FER1L6: variants seen among roughly 807,000 people sequenced by gnomAD.
FER1L6 encodes fer-1 like family member 6, also known as fer-1-like protein 6.
In FER1L6, 177 loss-of-function variants were observed where a neutral mutation model predicts 219.2. That is an observed-to-expected ratio of 0.81 (90% confidence interval 0.71 to 0.91). FER1L6 has a LOEUF of 0.91. FER1L6 is among the 40% of genes least tolerant of loss of function. FER1L6 has a pLI of 0.00. For missense variants in FER1L6, 2,153 were observed against 2,259.9 expected (o/e 0.95, Z 0.96); for synonymous variants, 768 against 824.3 (o/e 0.93, Z 1.17).
At chr8:123,963,888 A>C (rs1470719659) in intron 3 of FER1L6, among the ~76,000 whole-genome samples, 2 of 152,248 alleles carry the variant, frequency 1.3e-5, no homozygotes, top group Non-Finnish European at 2.9e-5. Context: ...ATAAGCATTT[A>C]TTATTGCTAA....
intron 12 of FER1L6, among the ~76,000 whole-genome samples, chr8:123,991,084 C>A (rs556976829): frequency 2.0e-5 from 3 of 152,156 alleles, no homozygotes; most frequent in Non-Finnish European, 2.9e-5. Flanking sequence ...TGCTTTTATA[C>A]CAATACCATG....
intron 24 of FER1L6, among the ~76,000 whole-genome samples, chr8:124,061,035 A>T (rs551939369): frequency 9.2e-5 from 14 of 152,292 alleles, no homozygotes; most frequent in African/African-American, 2.6e-4. Flanking sequence ...TGAGTTAGAA[A>T]CTATTGCAGG....
chr8:124,091,441 G>A lies in FER1L6; in HGVS notation c.4410G>A (p.Trp1470Ter). ...SQYEIEGYNA[W>*]RDTSKPTEIL... ...TTTTCAGAGAAGGATACAATGCCTG[G>A]AGAGACACGTCCAAACCCACCGAAA... Residue 1470 changes from tryptophan (W) to a stop codon, truncating the protein, a stop_gained, in exon 34 of 41, where the codon TGG becomes TGA. Coordinates refer to ENST00000522917, the MANE Select transcript of FER1L6 (RefSeq NM_001039112.2). LOFTEE classifies it high-confidence loss of function. 1.2e-6 allele frequency: 2 copies of A among 1,613,196 alleles called. No individual in the cohort carries two copies. Among genetic ancestry groups the A allele is most frequent in the Admixed American group, 1.7e-5 (1 of 59,978 alleles).
chr8:123,856,316 G>GTGTATATATATATA lies in FER1L6; in HGVS notation c.-8+4132_-8+4133insGTATATATATATAT, dbSNP rs71576706. On this transcript the variant is annotated intron_variant, in intron 1 of 40. Transcript: ENST00000522917. Reference sequence around the variant, plus strand: ...TGTATATATATATATATATGTATGTGTATATATATATATATATATATATAT... The same window carrying GTGTATATATATATA: ...TGTATATATATATATATATGTATGTGTGTATATATATATATATATATATATATATATATATATAT... Among the ~76,000 whole-genome samples the GTGTATATATATATA allele has an allele frequency of 2.6e-3, 115 of 45,084 alleles. 10 individuals are homozygous for GTGTATATATATATA. Among genetic ancestry groups the GTGTATATATATATA allele is most frequent in the African/African-American group, 9.6e-3 (111 of 11,506 alleles). The allele number at this position is 45,084 out of a possible 152,430, so 29.6% of individuals were successfully genotyped here. A position where few individuals can be genotyped will look rare whatever the true frequency, so the allele number is the denominator to read the frequency against.
At chr8:123,954,806 G>T (rs1335294010) in intron 1 of FER1L6, among the ~76,000 whole-genome samples, 2 of 152,192 alleles carry the variant, frequency 1.3e-5, no homozygotes, top group Admixed American at 1.3e-4. Flanking sequence ...GACTGTGATT[G>T]TTCCGCTGCT....
rs571274554 is a variant in FER1L6, at chr8:124,037,763, G to A, written c.2465-2119G>A. Among the ~76,000 whole-genome samples, 9 of 152,222 alleles carry A rather than the reference G, an allele frequency of 5.9e-5. 1 individual carries two copies. In the South Asian group the frequency reaches 1.9e-3, roughly 32 times the overall value. ...TGTGAGCCTCAAGACAATCAAGTAA[G>A]GAGTTGTCTTTGGCACCCCCTGCCT... On this transcript the variant is annotated intron_variant, in intron 19 of 40. Coordinates refer to ENST00000522917, the MANE Select transcript of FER1L6 (RefSeq NM_001039112.2).
At chr8:123,982,638 T>C (rs1410582250) in intron 11 of FER1L6, among the ~76,000 whole-genome samples, 1 of 152,192 alleles carries the variant, frequency 6.6e-6, no homozygotes, top group Non-Finnish European at 1.5e-5. Context: ...ACAACAAACA[T>C]TTATTTTCTC....
chr8:123,918,937 AG>A (rs1813274597), intron 1 of FER1L6, among the ~76,000 whole-genome samples: 1 of 152,130 alleles, frequency 6.6e-6, no homozygotes, highest in Non-Finnish European at 1.5e-5. Context: ...CTGGCATCCA[AG>A]GGCTCTCAGT....
intron 10 of FER1L6, among the ~76,000 whole-genome samples, chr8:123,978,442 A>G (rs988280438): frequency 2.6e-5 from 4 of 152,138 alleles, no homozygotes; most frequent in Non-Finnish European, 4.4e-5. Flanking sequence ...AGCCAGGTGG[A>G]GGTCAGGTAA....
At chr8:123,899,076 T>TC (rs1345328333) in intron 1 of FER1L6, among the ~76,000 whole-genome samples, 1 of 152,100 alleles carries the variant, frequency 6.6e-6, no homozygotes, top group Non-Finnish European at 1.5e-5. Context: ...TTAAGAAATC[T>TC]CCACACTGTT....
chr8:123,991,635 A>T (rs1172277794), intron 12 of FER1L6, among the ~76,000 whole-genome samples: 1 of 152,158 alleles, frequency 6.6e-6, no homozygotes, highest in African/African-American at 2.4e-5. Context: ...TATCATTAGC[A>T]AACTGCAATA....
At chr8:123,980,248 T>C (rs1816263361) in intron 10 of FER1L6, among the ~76,000 whole-genome samples, 1 of 152,186 alleles carries the variant, frequency 6.6e-6, no homozygotes, top group African/African-American at 2.4e-5. Flanking sequence ...CAGATTGGCA[T>C]TTATGGTATT....
At chr8:124,044,515 T>A (rs1819638581) in intron 20 of FER1L6, among the ~76,000 whole-genome samples, 1 of 152,194 alleles carries the variant, frequency 6.6e-6, no homozygotes, top group South Asian at 2.1e-4. Context: ...AACGCTGAGA[T>A]GACAGTTGAT....
At chr8:124,076,106 G>A in intron 31 of FER1L6, 92 bp from the exon 32 acceptor site, 1 of 1,502,358 alleles carries the variant, frequency 6.7e-7, no homozygotes, top group South Asian at 1.2e-5. Context: ...CAGAAGTCAG[G>A]CATTAGCATT....
intron 1 of FER1L6, chr8:123,939,243 C>T (rs1368321289): frequency 1.0e-6 from 1 of 955,410 alleles, no homozygotes; most frequent in African/African-American, 1.8e-5. Flanking sequence ...CCATGACATT[C>T]TGTGGTACTT....
intron 2 of FER1L6, among the ~76,000 whole-genome samples, chr8:123,962,377 A>G (rs1815327774): frequency 1.3e-5 from 2 of 152,134 alleles, no homozygotes; most frequent in South Asian, 4.1e-4. Flanking sequence ...GAAAAAGAAA[A>G]ACCTGTGGCA....
intron 12 of FER1L6, among the ~76,000 whole-genome samples, chr8:123,999,374 G>A (rs1017017840): frequency 2.6e-5 from 4 of 152,168 alleles, no homozygotes; most frequent in Admixed American, 6.5e-5. Flanking sequence ...GGCCATGCAC[G>A]GTGGCTCACA....
Position 124,009,717 on chromosome 8 carries a change from G to T in FER1L6, c.1701-877G>T, listed in dbSNP as rs571900010. On this transcript the variant is annotated intron_variant, in intron 13 of 40. Coordinates refer to ENST00000522917, the MANE Select transcript of FER1L6 (RefSeq NM_001039112.2). Reference sequence around the variant, plus strand: ...GATCGGGAGGTCCAGGAAGGAGCTGGTGCTGCTGTTCTAGGGTGAGAGTTG... The same window carrying T: ...GATCGGGAGGTCCAGGAAGGAGCTGTTGCTGCTGTTCTAGGGTGAGAGTTG... Among the ~76,000 whole-genome samples, 23 of 152,284 alleles carry T rather than the reference G, an allele frequency of 1.5e-4. 1 individual carries two copies. The South Asian group carries it at 4.6e-3, about 30-fold the overall frequency.
Position 124,013,515 on chromosome 8 carries a change from T to C in FER1L6, c.1906T>C (p.Phe636Leu). The part of the protein sequence containing the change: ...EEKMKTVLSD[F>L]ISRSSAFISE... Reference sequence around the variant, plus strand: ...GAAAATGAAAACAGTGCTCAGTGACTTCATCAGTCGGAGCAGGTACCGGGA... The same window carrying C: ...GAAAATGAAAACAGTGCTCAGTGACCTCATCAGTCGGAGCAGGTACCGGGA... Residue 636 changes from phenylalanine (F) to leucine (L), a missense_variant, in exon 15 of 41, where the codon TTC (phenylalanine) becomes CTC (leucine). Physicochemically the swap from Phe to Leu is conservative, Grantham distance 22. Transcript: ENST00000522917. 3 of 1,606,760 alleles carry C rather than the reference T, an allele frequency of 1.9e-6. No individual in the cohort carries two copies. Among genetic ancestry groups the C allele is most frequent in the Non-Finnish European group, 2.5e-6 (3 of 1,177,722 alleles).
Sources: gnomAD v4.1 joint callset for allele counts (sites outside exome capture counted in the v4.1 genomes callset) on GRCh38, gnomAD v4.1.1 for gene constraint, MANE v1.5 for transcripts, NCBI Gene and HGNC (gene_info 2026-07-23, HGNC 2026-07-21) for gene names.